Variants in NFAT5 observed in about 807,000 individuals in gnomAD.
NFAT5 encodes nuclear factor of activated T cells 5.
In NFAT5, 31 loss-of-function variants were observed where a neutral mutation model predicts 166.5. The ratio of observed to expected loss-of-function variants is 0.19; its 90% CI spans 0.14 to 0.25. NFAT5 has a LOEUF of 0.25. Ranked by LOEUF, NFAT5 falls within the 10% of genes least tolerant of loss-of-function variation. NFAT5 has a pLI of 1.00. For synonymous variants in NFAT5, 612 were observed against 639.7 expected, an observed-to-expected ratio of 0.96 and a Z score of 0.65; for missense variants, 1,449 against 1,821.8, an observed-to-expected ratio of 0.80 and a Z score of 3.72.
intron 2 of NFAT5, among the ~76,000 whole-genome samples, chr16:69,606,100 G>A (rs2033393503): frequency 6.6e-6 from 1 of 152,118 alleles, no homozygotes; most frequent in Non-Finnish European, 1.5e-5. Flanking sequence ...GCTATTGTAG[G>A]CAGTTCTTTC....
intron 2 of NFAT5, among the ~76,000 whole-genome samples, chr16:69,588,177 G>A (rs1409506799): frequency 6.6e-6 from 1 of 151,876 alleles, no homozygotes; most frequent in South Asian, 2.1e-4. Context: ...GTCTCCAGTT[G>A]CTGACCTCGT....
intron 7 of NFAT5, among the ~76,000 whole-genome samples, chr16:69,661,575 G>A (rs931504458): frequency 4.6e-5 from 4 of 86,468 alleles, no homozygotes; most frequent in Admixed American, 1.3e-4. Flanking sequence ...AAAGGAAATT[G>A]TTCAGATGAG....
At chr16:69,613,827 T>C (rs754901181) in intron 2 of NFAT5, among the ~76,000 whole-genome samples, 13 of 152,238 alleles carry the variant, frequency 8.5e-5, no homozygotes, top group South Asian at 2.1e-4. Flanking sequence ...TGACTTTCTT[T>C]TGTATTGTGT....
intron 3 of NFAT5, among the ~76,000 whole-genome samples, chr16:69,629,713 C>G (rs1265332910): frequency 2.0e-5 from 3 of 150,604 alleles, no homozygotes; most frequent in Non-Finnish European, 4.4e-5. Flanking sequence ...CTACTGGGCT[C>G]AAGTGATCCT....
chr16:69,570,088 T>G (rs2142894500), intron 2 of NFAT5, among the ~76,000 whole-genome samples: 1 of 152,092 alleles, frequency 6.6e-6, no homozygotes, highest in African/African-American at 2.4e-5. Context: ...GCAAATATTT[T>G]TAGTGAGCTG....
chr16:69,573,036 T>A (rs2016532007), intron 2 of NFAT5, among the ~76,000 whole-genome samples: 1 of 152,076 alleles, frequency 6.6e-6, no homozygotes, highest in Non-Finnish European at 1.5e-5. Flanking sequence ...AGAGACAGGG[T>A]TTCACCATGT....
At chr16:69,633,534 T>C (rs926757077) in intron 3 of NFAT5, among the ~76,000 whole-genome samples, 11 of 152,190 alleles carry the variant, frequency 7.2e-5, no homozygotes, top group South Asian at 4.1e-4. Context: ...TTTATGGCAA[T>C]GTGGATGGAA....
intron 2 of NFAT5, among the ~76,000 whole-genome samples, chr16:69,604,113 A>C (rs1214498120): frequency 1.3e-5 from 2 of 152,182 alleles, no homozygotes; most frequent in Non-Finnish European, 2.9e-5. Flanking sequence ...ACAGAGAGGA[A>C]AACAGACTAA....
intron 2 of NFAT5, among the ~76,000 whole-genome samples, chr16:69,585,247 G>A (rs1422629057): frequency 6.6e-6 from 1 of 151,804 alleles, no homozygotes; most frequent in East Asian, 1.9e-4. Flanking sequence ...CTGACCTCAT[G>A]ATCCACCTGC....
rs764216741 is a variant in NFAT5, at chr16:69,566,361, C to T, written c.60C>T (p.Ser20=). Residue 20 remains serine (S), a synonymous_variant, in exon 1 of 15, where the codon TCC becomes TCT. Transcript: ENST00000349945. This position sits in a 1 kb window ranked among gnomAD's most constrained non-coding sequence, Gnocchi z 5.7. The stretch of plus-strand genomic sequence containing the variant: ...ACCTAGACCTGGAATCGCCCAAGTC[C>T]CTCTACTCGCGAGGTGAGTCAGGCT... ...SADLDLESPK[S]LYSRDSLKLH... The T allele has an allele frequency of 1.2e-5, 19 of 1,606,580 alleles. No individual in the cohort carries two copies. The highest frequency in any genetic ancestry group is 1.6e-5 in the Non-Finnish European group (19 of 1,177,584).
intron 3 of NFAT5, among the ~76,000 whole-genome samples, chr16:69,628,524 G>A (rs2034566377): frequency 6.6e-6 from 1 of 152,062 alleles, no homozygotes; most frequent in Non-Finnish European, 1.5e-5. Context: ...GATTCTAATA[G>A]CTTAGAAAGA....
At chr16:69,651,263 A>G (rs572402050) in intron 4 of NFAT5, among the ~76,000 whole-genome samples, 31 of 152,348 alleles carry the variant, frequency 2.0e-4, no homozygotes, top group African/African-American at 6.7e-4. Context: ...TATAAAGATG[A>G]TTAAGCACAG....
intron 6 of NFAT5, among the ~76,000 whole-genome samples, chr16:69,658,784 G>A (rs535683594): frequency 6.6e-6 from 1 of 151,976 alleles, no homozygotes; most frequent in Admixed American, 6.6e-5. Flanking sequence ...CTGAGGTAGC[G>A]CCATTGCGCT....
intron 2 of NFAT5, among the ~76,000 whole-genome samples, chr16:69,580,843 G>A (rs2031633896): frequency 6.6e-6 from 1 of 151,938 alleles, no homozygotes; most frequent in South Asian, 2.1e-4. Flanking sequence ...TTTTAGTAGA[G>A]ACAGGGTTTC....
In NFAT5 at chr16:69,699,921, G is replaced by A. The variant is rs561705453; in HGVS notation, c.*3570G>A. ...ATATATCCACACCAACATGGGTGAC[G>A]ATAATTCAAAGTCATATTTTGCCTC... On this transcript the variant is annotated 3_prime_UTR_variant, in exon 15 of 15. Transcript: ENST00000349945. 4.0e-5 allele frequency: 6 copies of A among 151,328 alleles called. No homozygotes were observed. The highest frequency in any genetic ancestry group is 2.0e-4 in the Admixed American group (3 of 15,142). The allele number at this position is 151,328 out of a possible 1,614,324, so 9.4% of individuals were successfully genotyped here.
chr16:69,639,073 A>G (rs1338540152), intron 3 of NFAT5, among the ~76,000 whole-genome samples: 2 of 152,280 alleles, frequency 1.3e-5, no homozygotes, highest in African/African-American at 2.4e-5. Context: ...TTACATCTGG[A>G]TATTAGTCTC....
intron 2 of NFAT5, among the ~76,000 whole-genome samples, chr16:69,604,507 C>T (rs555622142): frequency 1.3e-5 from 2 of 152,262 alleles, no homozygotes; most frequent in East Asian, 3.9e-4. Flanking sequence ...TGACCCTCTC[C>T]CTCCTACCCT....
chr16:69,626,491 T>G lies in NFAT5; in HGVS notation c.216T>G (p.Gly72=), dbSNP rs2034466114. ...CATCAATGAGTCAGACAAGCGGTGG[T>G]GAGGCAGGCTCGCCTCCTCCAGCTG... ...SVASMSQTSG[G]EAGSPPPAVV... The change falls in exon 3 of 15, where the codon GGT becomes GGG. Residue 72 remains glycine (G), a synonymous_variant. Coordinates refer to ENST00000349945, the MANE Select transcript of NFAT5 (RefSeq NM_138713.4). The G allele has an allele frequency of 6.3e-7, 1 of 1,584,638 alleles. No homozygotes were observed. The highest frequency in any genetic ancestry group is 2.3e-5 in the East Asian group (1 of 43,166).
chr16:69,702,083 G>A lies in NFAT5; in HGVS notation c.*5732G>A, dbSNP rs546882425. 2.8e-4 allele frequency: 43 copies of A among 152,658 alleles called. No individual in the cohort carries two copies. The highest frequency in any genetic ancestry group is 6.7e-4 in the African/African-American group (28 of 41,530). The allele number at this position is 152,658 out of a possible 1,614,324, so 9.5% of individuals were successfully genotyped here. On this transcript the variant is annotated 3_prime_UTR_variant, in exon 15 of 15. Transcript: ENST00000349945. ...CCTTTGGGATAGGGCTGCTTTCCCC[G>A]TGCTAGTATTTCTGTGACTGTTAGT...
Sources: gnomAD v4.1 joint callset for allele counts (sites outside exome capture counted in the v4.1 genomes callset) on GRCh38, gnomAD v4.1.1 for gene constraint, Gnocchi (gnomAD v3.1) non-coding constraint, MANE v1.5 for transcripts, NCBI Gene and HGNC (gene_info 2026-07-23, HGNC 2026-07-21) for gene names.